Variants in GPC5 observed in about 807,000 individuals in gnomAD.
The protein encoded by GPC5 is glypican-5.
A neutral mutation model predicts 53.9 loss-of-function variants in GPC5; 47 were observed. The ratio of observed to expected loss-of-function variants is 0.87; its 90% CI spans 0.69 to 1.11. The LOEUF is 1.11. Ranked by LOEUF, GPC5 falls within the 50% of genes most tolerant of loss-of-function variation. GPC5 has a pLI of 0.00. For synonymous variants in GPC5, 286 were observed against 263.3 expected, an observed-to-expected ratio of 1.09 and a Z score of -0.84; for missense variants, 748 against 713.1, an observed-to-expected ratio of 1.05 and a Z score of -0.56.
intron 7 of GPC5, among the ~76,000 whole-genome samples, chr13:92,151,560 A>G (rs1047124415): frequency 1.3e-5 from 2 of 152,116 alleles, no homozygotes; most frequent in African/African-American, 4.8e-5. Flanking sequence ...TTCTGTATGA[A>G]CTTTGGTATC....
chr13:91,520,698 G>GAA (rs1566472230), intron 2 of GPC5, among the ~76,000 whole-genome samples: 1 of 150,668 alleles, frequency 6.6e-6, no homozygotes, highest in Non-Finnish European at 1.5e-5. Flanking sequence ...GTGTATATAT[G>GAA]TATATATATG....
At chr13:92,310,319 GTTATA>G (rs1182886673) in intron 7 of GPC5, among the ~76,000 whole-genome samples, 1 of 151,972 alleles carries the variant, frequency 6.6e-6, no homozygotes, top group African/African-American at 2.4e-5. Flanking sequence ...ATTTTCTCCT[GTTATA>G]TTCTAATAGA....
intron 7 of GPC5, among the ~76,000 whole-genome samples, chr13:92,259,235 T>C (rs2042748131): frequency 6.6e-6 from 1 of 152,200 alleles, no homozygotes; most frequent in African/African-American, 2.4e-5. Context: ...GGTTTTTAAG[T>C]TGTTTTCTAT....
At chr13:92,297,095 T>C (rs2043042034) in intron 7 of GPC5, among the ~76,000 whole-genome samples, 1 of 152,216 alleles carries the variant, frequency 6.6e-6, no homozygotes, top group Admixed American at 6.5e-5. Flanking sequence ...GCAGCCCCTG[T>C]GCGGGATCCA....
At chr13:92,701,182 ATATTAAAAAAT>A (rs1462392820) in intron 7 of GPC5, among the ~76,000 whole-genome samples, 2 of 152,164 alleles carry the variant, frequency 1.3e-5, no homozygotes, top group Non-Finnish European at 2.9e-5. Flanking sequence ...CATCTTAAAT[ATATTAAAAAAT>A]TATTTTTAAA....
chr13:91,911,313 G>C (rs2039608038), intron 6 of GPC5, among the ~76,000 whole-genome samples: 1 of 152,128 alleles, frequency 6.6e-6, no homozygotes, highest in Non-Finnish European at 1.5e-5. Flanking sequence ...GGAGGCCGAG[G>C]AGGGTGGATC....
intron 6 of GPC5, among the ~76,000 whole-genome samples, chr13:92,104,005 A>G (rs1472104802): frequency 1.3e-5 from 2 of 152,168 alleles, no homozygotes; most frequent in South Asian, 4.1e-4. Context: ...GAGCTGAAAT[A>G]TTAAACCATG....
chr13:92,500,087 G>A (rs1880125582), intron 7 of GPC5, among the ~76,000 whole-genome samples: 1 of 152,128 alleles, frequency 6.6e-6, no homozygotes, highest in African/African-American at 2.4e-5. Flanking sequence ...ACTCAAGTTA[G>A]CCTGAAAGAT....
chr13:92,550,664 T>A (rs1433196558), intron 7 of GPC5, among the ~76,000 whole-genome samples: 2 of 151,910 alleles, frequency 1.3e-5, no homozygotes, highest in African/African-American at 4.8e-5. Flanking sequence ...GGTATACATG[T>A]TTGTCAAAAC....
intron 7 of GPC5, among the ~76,000 whole-genome samples, chr13:92,353,117 A>G (rs576564339): frequency 5.3e-5 from 8 of 150,742 alleles, no homozygotes; most frequent in Non-Finnish European, 1.2e-4. Context: ...AAAATTAGCC[A>G]GGCGCGGTGG....
At chr13:92,304,656 C>T (rs1172112854) in intron 7 of GPC5, among the ~76,000 whole-genome samples, 1 of 148,354 alleles carries the variant, frequency 6.7e-6, no homozygotes, top group Non-Finnish European at 1.5e-5. Context: ...GGAATTATTT[C>T]AAATGCTTTC....
chr13:92,691,341 G>C (rs1014540540), intron 7 of GPC5, among the ~76,000 whole-genome samples: 1 of 136,794 alleles, frequency 7.3e-6, no homozygotes, highest in Non-Finnish European at 1.5e-5. Flanking sequence ...AGGTGCGTCC[G>C]TCACCCCTTT....
chr13:92,413,245 A>G (rs1198023157), intron 7 of GPC5, among the ~76,000 whole-genome samples: 1 of 152,202 alleles, frequency 6.6e-6, no homozygotes, highest in Non-Finnish European at 1.5e-5. Flanking sequence ...GCCATGCATT[A>G]TACTGAGTGT....
chr13:91,982,859 A>G (rs888017060), intron 6 of GPC5, among the ~76,000 whole-genome samples: 3 of 152,170 alleles, frequency 2.0e-5, no homozygotes, highest in Admixed American at 1.3e-4. Context: ...TCAGCAACAT[A>G]AGGAAGAGAA....
At chr13:92,190,143 A>G (rs951244298) in intron 7 of GPC5, among the ~76,000 whole-genome samples, 3 of 152,222 alleles carry the variant, frequency 2.0e-5, no homozygotes, top group Non-Finnish European at 4.4e-5. Flanking sequence ...ACTTCTCCTC[A>G]GAAACCATGC....
intron 3 of GPC5, among the ~76,000 whole-genome samples, chr13:91,700,690 ATCT>A (rs779139781): frequency 1.4e-4 from 22 of 152,216 alleles, no homozygotes; most frequent in Admixed American, 3.9e-4. Context: ...TTTTCTTGAC[ATCT>A]TCTTCTTTCC....
chr13:91,617,244 A>G (rs770620187), intron 2 of GPC5, among the ~76,000 whole-genome samples: 1 of 152,174 alleles, frequency 6.6e-6, no homozygotes, highest in Non-Finnish European at 1.5e-5. Context: ...CAATGTGGCT[A>G]TGTATGAGAG....
chr13:92,649,543 G>C (rs1885887540), intron 7 of GPC5, among the ~76,000 whole-genome samples: 1 of 152,104 alleles, frequency 6.6e-6, no homozygotes, highest in Non-Finnish European at 1.5e-5. Flanking sequence ...GTCATGATAA[G>C]TATAATTCAC....
chr13:91,787,434 G>T (rs1356152138), intron 5 of GPC5, among the ~76,000 whole-genome samples: 1 of 152,092 alleles, frequency 6.6e-6, no homozygotes, highest in Non-Finnish European at 1.5e-5. Flanking sequence ...GTGATCATAT[G>T]TTTTTAAAAT....
Sources: allele counts gnomAD v4.1 joint callset (sites outside exome capture counted in the v4.1 genomes callset), GRCh38; gene constraint gnomAD v4.1.1; transcripts MANE v1.5; gene names NCBI Gene and HGNC (gene_info 2026-07-23, HGNC 2026-07-21).